The following ARSH variants were observed in gnomAD, a reference collection of about 807,000 sequenced individuals.
ARSH encodes the protein arylsulfatase H.
Under a neutral mutation model 28.7 loss-of-function variants are expected in ARSH, and 32 were observed. The ratio of observed to expected loss-of-function variants is 1.11; its 90% CI spans 0.84 to 1.50. The LOEUF (loss-of-function observed/expected upper bound fraction) is 1.50, where lower values mean the gene tolerates loss of function less well. Ranked by LOEUF, ARSH falls within the 40% of genes most tolerant of loss-of-function variation. ARSH has a pLI of 0.00. For missense variants in ARSH, 440 were observed against 452.4 expected (o/e 0.97, Z 0.25); for synonymous variants, 176 against 177.3 (o/e 0.99, Z 0.06).
intron 3 of ARSH, 68 bp downstream of exon 3, chrX:3,013,240 T>A: frequency 1.8e-6 from 2 of 1,124,051 alleles, no homozygotes; most frequent in South Asian, 4.4e-5. Context: ...GTCTAAGGTG[T>A]TTCCGGGGAT....
chrX:3,025,931 C>T (rs1164109889), intron 6 of ARSH, among the ~76,000 whole-genome samples: 1 of 110,901 alleles, frequency 9.0e-6, no homozygotes, highest in Non-Finnish European at 1.9e-5. Context: ...GAGCATTTCT[C>T]AGGCTTTGGG....
At chrX:3,015,464 C>A in intron 4 of ARSH, 71 bp downstream of exon 4, 1 of 1,022,326 alleles carries the variant, frequency 9.8e-7, no homozygotes, top group South Asian at 2.3e-5. Context: ...GTCATCACAC[C>A]TTGATAACAT....
In ARSH at chrX:3,033,527, C is replaced by A. The variant is rs1053662349; in HGVS notation, c.*142C>A. On this transcript the variant is annotated 3_prime_UTR_variant, in exon 9 of 9. Coordinates refer to ENST00000381130, the MANE Select transcript of ARSH (RefSeq NM_001011719.2). ...TTTTATCCTCAGAAATCAGTTCTTT[C>A]AAGAGCTCGGTGAAATTAAAGTGGG... The A allele has an allele frequency of 1.7e-5, 11 of 652,961 alleles. No individual in the cohort carries two copies. Among genetic ancestry groups the A allele is most frequent in the Non-Finnish European group, 2.4e-5 (11 of 460,240 alleles). The allele number at this position is 652,961 out of a possible 1,213,427, so 53.8% of individuals were successfully genotyped here. A position where few individuals can be genotyped will look rare whatever the true frequency, so the allele number is the denominator to read the frequency against.
chrX:3,006,629 G>C lies in ARSH; in HGVS notation c.17G>C (p.Arg6Thr). 8.3e-7 allele frequency: 1 copy of C among 1,211,351 alleles called. No homozygotes were observed. The highest frequency in any genetic ancestry group is 1.1e-6 in the Non-Finnish European group (1 of 895,237). The change falls in exon 1 of 9, where the codon AGA (arginine) becomes ACA (threonine). Residue 6 changes from arginine to threonine, a missense_variant. Coordinates refer to ENST00000381130, the MANE Select transcript of ARSH (RefSeq NM_001011719.2). Reference protein sequence around the residue: MTRNARPNIVLLMADD... With the variant: MTRNATPNIVLLMADD... The stretch of plus-strand genomic sequence containing the variant: ...GGCACATTTATGACAAGAAACGCCA[G>C]ACCCAACATTGTCCTGCTGATGGCA...
intron 5 of ARSH, 134 bp from the exon 6 acceptor site, chrX:3,023,886 TA>T (rs2089891293): frequency 1.5e-5 from 9 of 591,373 alleles, no homozygotes. Flanking sequence ...ATTATATGAT[TA>T]ATTATACAAT....
At chrX:3,031,992 G>A (rs923573666) in intron 8 of ARSH, among the ~76,000 whole-genome samples, 1 of 111,844 alleles carries the variant, frequency 8.9e-6, no homozygotes, top group African/African-American at 3.3e-5. Context: ...ACCAAAGGCG[G>A]TAAAGAATCC....
intron 3 of ARSH, 61 bp from the exon 4 acceptor site, chrX:3,014,909 A>C (rs942615693): frequency 9.3e-7 from 1 of 1,076,501 alleles, no homozygotes; most frequent in Non-Finnish European, 1.3e-6. Flanking sequence ...CCCACATTCT[A>C]GAAACAGACC....
At chrX:3,013,410 A>G (rs1007665819) in intron 3 of ARSH, among the ~76,000 whole-genome samples, 8 of 111,518 alleles carry the variant, frequency 7.2e-5, no homozygotes, top group Non-Finnish European at 1.3e-4. Flanking sequence ...AGTTGCCACT[A>G]AAATGGAATG....
At chrX:3,010,294 C>A in intron 2 of ARSH, 143 bp downstream of exon 2, 3 of 779,033 alleles carry the variant, frequency 3.9e-6, no homozygotes, top group South Asian at 2.9e-5. Context: ...TATCCCTGGG[C>A]AGCTTAAATA....
Position 3,026,908 on chromosome X carries a change from G to C in ARSH, c.1037-405G>C, listed in dbSNP as rs142780656. 9.1e-4 allele frequency among the ~76,000 whole-genome samples: 101 copies of C among 110,948 alleles called. 2 individuals carry two copies. The East Asian group carries it at 0.026, about 29-fold the overall frequency. ...ACCCTGTCACCGAGGCTGGAGTGCA[G>C]TGGCACAATCTCAGCTCACTGCAAT... On this transcript the variant is annotated intron_variant, in intron 6 of 8. Transcript: ENST00000381130.
At position 3,022,037 on chromosome X, in the gene ARSH, C is replaced by T. The variant is rs191112548; in HGVS notation, c.902-1984C>T. 1.2e-3 allele frequency among the ~76,000 whole-genome samples: 135 copies of T among 110,444 alleles called. 1 individual carries two copies. Among genetic ancestry groups the T allele is most frequent in the South Asian group, 0.01 (27 of 2,587 alleles). On this transcript the variant is annotated intron_variant, in intron 5 of 8. Coordinates refer to ENST00000381130, the MANE Select transcript of ARSH (RefSeq NM_001011719.2). ...GATTACATGTGTGAGCCACCAGGCC[C>T]AACCTTAATCACTTTTCATTATTGG... is the stretch of plus-strand genomic sequence containing the variant.
chrX:3,015,153 C>T lies in ARSH; in HGVS notation c.524C>T (p.Ala175Val), dbSNP rs1189979750. Reference sequence around the variant, plus strand: ...CTGTGGATCTCCACGGTAGCCCTTGCCCTGGTTCCTTTTCTGCTTCTCATT... The same window carrying T: ...CTGTGGATCTCCACGGTAGCCCTTGTCCTGGTTCCTTTTCTGCTTCTCATT... ...IKLWISTVAL[A>V]LVPFLLLIPK... The change falls in exon 4 of 9, where the codon GCC (alanine) becomes GTC (valine). Residue 175 changes from alanine to valine, a missense_variant. By Grantham distance (64) the Ala-to-Val change is moderately conservative. Coordinates refer to ENST00000381130, the MANE Select transcript of ARSH (RefSeq NM_001011719.2). The T allele has an allele frequency of 5.0e-6, 6 of 1,207,974 alleles. No individual in the cohort carries two copies. The South Asian group carries it at 5.3e-5, about 11-fold the overall frequency.
chrX:3,022,758 C>A (rs768705319), intron 5 of ARSH, among the ~76,000 whole-genome samples: 1 of 111,626 alleles, frequency 9.0e-6, no homozygotes, highest in African/African-American at 3.3e-5. Context: ...TAACCATAAC[C>A]CAAACAGCAA....
intron 6 of ARSH, 44 bp downstream of exon 6, chrX:3,024,199 T>G (rs1032956287): frequency 2.5e-5 from 27 of 1,093,567 alleles, no homozygotes; most frequent in Non-Finnish European, 3.2e-5. Flanking sequence ...TTTAAATCAG[T>G]AGTCTCTATT....
In ARSH at chrX:3,015,053, G is replaced by A. The variant is rs764977981; in HGVS notation, c.424G>A (p.Gly142Arg). Residue 142 changes from glycine to arginine, a missense_variant, in exon 4 of 9, where the codon GGG becomes AGG. Transcript: ENST00000381130. ...CAACCATGGTTTTCACTACTTTTAC[G>A]GGGTGCCTTTTGGACTTTTAAGCGA... ...PLNHGFHYFY[G>R]VPFGLLSDCQ... is the part of the protein sequence containing the mutation. 16 of 1,210,854 alleles carry A rather than the reference G, an allele frequency of 1.3e-5. No homozygotes were observed. In the South Asian group the frequency reaches 1.9e-4, roughly 15 times the overall value.
Position 3,029,241 on chromosome X carries a change from C to T in ARSH, c.1200-6C>T. On this transcript the variant is annotated splice_polypyrimidine_tract_variant and splice_region_variant and intron_variant, in intron 7 of 8. Coordinates refer to ENST00000381130, the MANE Select transcript of ARSH (RefSeq NM_001011719.2). Reference sequence around the variant, plus strand: ...TCACCTTCTACACACCCCCTTCTCTCCCAAGAGTGATTGACGGCCAGAACC... The same window carrying T: ...TCACCTTCTACACACCCCCTTCTCTTCCAAGAGTGATTGACGGCCAGAACC... 8.3e-7 allele frequency: 1 copy of T among 1,209,901 alleles called. No homozygotes were observed. Among genetic ancestry groups the T allele is most frequent in the Non-Finnish European group, 1.1e-6 (1 of 894,777 alleles).
intron 6 of ARSH, among the ~76,000 whole-genome samples, chrX:3,024,886 G>A (rs962271720): frequency 2.7e-5 from 3 of 110,106 alleles, no homozygotes; most frequent in African/African-American, 6.6e-5. Context: ...TTCTGCATTC[G>A]CTATTTTCCC....
intron 5 of ARSH, among the ~76,000 whole-genome samples, chrX:3,019,468 G>A (rs2089875401): frequency 1.8e-5 from 2 of 111,011 alleles, no homozygotes; most frequent in Non-Finnish European, 3.8e-5. Flanking sequence ...TGAGCAGGTG[G>A]GAAGAGTTAC....
At chrX:3,013,640 A>G (rs1185978681) in intron 3 of ARSH, among the ~76,000 whole-genome samples, 1 of 110,397 alleles carries the variant, frequency 9.1e-6, no homozygotes, top group Non-Finnish European at 1.9e-5. Context: ...TTTCACCGAA[A>G]AATAAGTTTG....
Sources: allele counts gnomAD v4.1 joint callset (sites outside exome capture counted in the v4.1 genomes callset), GRCh38; gene constraint gnomAD v4.1.1; transcripts MANE v1.5; gene names NCBI Gene and HGNC (gene_info 2026-07-23, HGNC 2026-07-21).